The following GRM7 variants were observed in gnomAD, a reference collection of about 807,000 sequenced individuals.
GRM7 encodes metabotropic glutamate receptor 7.
Under a neutral mutation model 84.5 loss-of-function variants are expected in GRM7, and 35 were observed. That is an observed-to-expected ratio of 0.41 (90% CI 0.32 to 0.55). The LOEUF is 0.55. Among genes scored for constraint, GRM7 ranks in the 20% least tolerant of loss-of-function variants. The pLI, the probability that GRM7 is intolerant of heterozygous loss-of-function variation, is 0.19. For synonymous variants in GRM7, 487 were observed against 455.1 expected, an observed-to-expected ratio of 1.07 and a Z score of -0.89; for missense variants, 1,003 against 1,194.6, an observed-to-expected ratio of 0.84 and a Z score of 2.36.
At chr3:7,518,839 A>G (rs973639396) in intron 7 of GRM7, among the ~76,000 whole-genome samples, 3 of 152,230 alleles carry the variant, frequency 2.0e-5, no homozygotes, top group African/African-American at 7.2e-5. Context: ...TGAAAACTAG[A>G]CCTCTGATTA....
chr3:7,712,146 G>C (rs332935), intron 9 of GRM7, among the ~76,000 whole-genome samples: 3 of 152,016 alleles, frequency 2.0e-5, no homozygotes, highest in Non-Finnish European at 2.9e-5. Context: ...CCAGACAGAA[G>C]GGACCCAGCT....
intron 1 of GRM7, among the ~76,000 whole-genome samples, chr3:6,921,387 T>A (rs1165167201): frequency 6.6e-6 from 1 of 152,150 alleles, no homozygotes; most frequent in Non-Finnish European, 1.5e-5. Flanking sequence ...CTGGTTTCAA[T>A]AAGCCAAGTC....
At chr3:7,207,951 G>A (rs970494448) in intron 2 of GRM7, among the ~76,000 whole-genome samples, 9 of 152,042 alleles carry the variant, frequency 5.9e-5, no homozygotes, top group East Asian at 5.8e-4. Flanking sequence ...ATGAAATGTC[G>A]GAGGCACAAA....
rs534090250 is a variant in GRM7, at chr3:7,384,136, C to T, written c.1034-30887C>T. Among the ~76,000 whole-genome samples the T allele has an allele frequency of 5.5e-3, 833 of 152,288 alleles. 9 individuals are homozygous for T. Among genetic ancestry groups the T allele is most frequent in the African/African-American group, 0.018 (765 of 41,558 alleles). The stretch of plus-strand genomic sequence containing the variant: ...CTCCACCTCCCGGGTTCAAGCGATT[C>T]TCGTGCCTCAGCCTCCTGAGTAGCT... On this transcript the variant is annotated intron_variant, in intron 4 of 9. Coordinates refer to ENST00000357716, the MANE Select transcript of GRM7 (RefSeq NM_000844.4).
At position 7,499,441 on chromosome 3, in the gene GRM7, C is replaced by T. The variant is rs75745808; in HGVS notation, c.1515+37719C>T. On this transcript the variant is annotated intron_variant, in intron 7 of 9. Coordinates refer to ENST00000357716, the MANE Select transcript of GRM7 (RefSeq NM_000844.4). ...CATCAAACGCTGTAATCTAGAGATC[C>T]CTGATAGAGTAACTTCATTTATAAT... Among the ~76,000 whole-genome samples, 834 of 152,172 alleles carry T rather than the reference C, an allele frequency of 5.5e-3. 4 individuals are homozygous for T. Among genetic ancestry groups the T allele is most frequent in the Non-Finnish European group, 8.7e-3 (592 of 68,016 alleles).
intron 1 of GRM7, among the ~76,000 whole-genome samples, chr3:7,018,823 G>A (rs947451223): frequency 4.6e-5 from 7 of 152,336 alleles, no homozygotes; most frequent in South Asian, 2.1e-4. Context: ...TGGGCCAGGC[G>A]CCGTGGCTCA....
chr3:7,531,855 G>GGAGA (rs1701049115), intron 7 of GRM7, among the ~76,000 whole-genome samples: 7 of 152,032 alleles, frequency 4.6e-5, no homozygotes, highest in Admixed American at 4.6e-4. Context: ...ATAGGAGTGG[G>GGAGA]GAGAGAGGGC....
chr3:7,481,197 A>G (rs1434072390), intron 7 of GRM7, among the ~76,000 whole-genome samples: 3 of 151,154 alleles, frequency 2.0e-5, no homozygotes, highest in Non-Finnish European at 2.9e-5. Context: ...TCCTGCCTCA[A>G]CCTCTCAAGT....
At chr3:7,628,263 C>A (rs1031576865) in intron 8 of GRM7, among the ~76,000 whole-genome samples, 4 of 152,062 alleles carry the variant, frequency 2.6e-5, no homozygotes, top group African/African-American at 9.7e-5. Context: ...CTACTGTGTG[C>A]CCAGCCTGGG....
At chr3:7,686,032 G>C (rs1692899677) in intron 9 of GRM7, among the ~76,000 whole-genome samples, 1 of 152,106 alleles carries the variant, frequency 6.6e-6, no homozygotes, top group Non-Finnish European at 1.5e-5. Flanking sequence ...CTGGACTAGG[G>C]TGAGAAAAAA....
intron 1 of GRM7, among the ~76,000 whole-genome samples, chr3:7,140,212 A>T (rs924981060): frequency 1.3e-5 from 2 of 152,028 alleles, no homozygotes; most frequent in African/African-American, 4.8e-5. Context: ...AAGGTTTTGG[A>T]TGTCTCATCT....
intron 8 of GRM7, among the ~76,000 whole-genome samples, chr3:7,676,221 G>A (rs1229396177): frequency 6.6e-6 from 1 of 152,024 alleles, no homozygotes; most frequent in Admixed American, 6.5e-5. Context: ...GAAGATGGTG[G>A]GGTGAAAACT....
chr3:6,882,743 G>A (rs1017188448), intron 1 of GRM7, among the ~76,000 whole-genome samples: 1 of 152,056 alleles, frequency 6.6e-6, no homozygotes, highest in African/African-American at 2.4e-5. Context: ...AGTATATAAT[G>A]AGCATGATTC....
chr3:7,487,069 A>G (rs1207519437), intron 7 of GRM7, among the ~76,000 whole-genome samples: 1 of 152,312 alleles, frequency 6.6e-6, no homozygotes, highest in East Asian at 1.9e-4. Flanking sequence ...GAAGTAAAAT[A>G]CAGTTGTGAA....
chr3:7,279,847 A>G (rs1699196387), intron 2 of GRM7, among the ~76,000 whole-genome samples: 1 of 152,098 alleles, frequency 6.6e-6, no homozygotes, highest in Admixed American at 6.6e-5. Flanking sequence ...AACCAAAAGA[A>G]CTGCTATTCT....
intron 2 of GRM7, among the ~76,000 whole-genome samples, chr3:7,212,741 C>G (rs1193415922): frequency 6.6e-6 from 1 of 152,134 alleles, no homozygotes; most frequent in Non-Finnish European, 1.5e-5. Context: ...TACCCAATCA[C>G]CAAATATTTG....
At chr3:6,984,492 T>G (rs1389520638) in intron 1 of GRM7, among the ~76,000 whole-genome samples, 1 of 152,260 alleles carries the variant, frequency 6.6e-6, no homozygotes, top group African/African-American at 2.4e-5. Flanking sequence ...TTATCTATTT[T>G]TTTTCAAGAA....
intron 4 of GRM7, among the ~76,000 whole-genome samples, chr3:7,334,409 A>C (rs936179314): frequency 3.9e-5 from 6 of 152,132 alleles, no homozygotes; most frequent in Non-Finnish European, 8.8e-5. Flanking sequence ...AAGGGTTCTA[A>C]ATCTTAAAAT....
At chr3:7,645,567 A>AG (rs988548682) in intron 8 of GRM7, among the ~76,000 whole-genome samples, 4 of 148,868 alleles carry the variant, frequency 2.7e-5, no homozygotes, top group African/African-American at 1.0e-4. Context: ...AAAAAAAAAA[A>AG]AAAAGAAAAG....
Sources: gnomAD v4.1 joint callset for allele counts (sites outside exome capture counted in the v4.1 genomes callset) on GRCh38, gnomAD v4.1.1 for gene constraint, MANE v1.5 for transcripts, NCBI Gene and HGNC (gene_info 2026-07-23, HGNC 2026-07-21) for gene names.